USP19: variants seen among roughly 807,000 people sequenced by gnomAD.
The protein encoded by USP19 is ubiquitin specific peptidase 19.
In USP19, 40 loss-of-function variants were observed where a neutral mutation model predicts 144.8. The ratio of observed to expected loss-of-function variants is 0.28; its 90% CI spans 0.21 to 0.36. The LOEUF (loss-of-function observed/expected upper bound fraction) is 0.36. USP19 is among the 10% of genes least tolerant of loss of function. The probability of loss-of-function intolerance (pLI) is 1.00; values close to 1 mark genes in which losing one functional copy is unlikely to be tolerated. For synonymous variants in USP19, 701 were observed against 709.3 expected, an observed-to-expected ratio of 0.99 and a Z score of 0.19; for missense variants, 1,518 against 1,822.5, an observed-to-expected ratio of 0.83 and a Z score of 3.04.
chr3:49,117,487 G>T lies in USP19; in HGVS notation c.556C>A (p.His186Asn), dbSNP rs1197485175. Reference protein sequence around the residue: ...KVQTRKGSLLHLTLPKKVPML... With the variant: ...KVQTRKGSLLNLTLPKKVPML... ...GGCACCTTTTTGGGCAGTGTCAGGT[G>T]CAGGAGACTGCCCTTGCGGGTTTGC... Residue 186 changes from histidine to asparagine, a missense_variant, in exon 5 of 27, where the codon CAC becomes AAC. Physicochemically the swap from His to Asn is moderately conservative, Grantham distance 68 (BLOSUM62 1). Coordinates refer to ENST00000417901, the MANE Select transcript of USP19 (RefSeq NM_001199161.2). The surrounding 1 kb of genome is among the most constrained non-coding windows in gnomAD (Gnocchi z 4.4). The T allele has an allele frequency of 1.2e-6, 2 of 1,614,140 alleles. No individual in the cohort carries two copies. Among genetic ancestry groups the T allele is most frequent in the Admixed American group, 1.7e-5 (1 of 60,026 alleles).
rs775859341 is a variant in USP19, at chr3:49,111,176, C to T, written c.3329-10G>A. 9 of 1,613,974 alleles carry T rather than the reference C, an allele frequency of 5.6e-6. No homozygotes were observed. In the East Asian group the frequency reaches 6.7e-5, roughly 12 times the overall value. ...TCCAGTGGGGTGTCTCCTGGAGATT[C>T]GCAGGGAGAGAGGTCATGCAGCTGT... On this transcript the variant is annotated splice_polypyrimidine_tract_variant and intron_variant, in intron 22 of 26. Coordinates refer to ENST00000417901, the MANE Select transcript of USP19 (RefSeq NM_001199161.2). The surrounding 1 kb of genome is among the most constrained non-coding windows in gnomAD (Gnocchi z 5.9).
chr3:49,108,467 G>C lies in USP19; in HGVS notation c.4100C>G (p.Ala1367Gly). Residue 1367 changes from alanine to glycine, a missense_variant, in exon 27 of 27, where the codon GCC becomes GGC. Ala to Gly is a moderately conservative substitution (Grantham distance 60, BLOSUM62 0). Around this residue, in one of 5 missense-constraint regions of USP19, gnomAD observed 118 missense variants for 100.2 expected, o/e 1.18. Transcript: ENST00000417901. The surrounding 1 kb of genome is among the most constrained non-coding windows in gnomAD (Gnocchi z 4.8). ...APTRTAPERF[A>G]PPVDRPAPTY... is the part of the protein sequence containing the mutation. ...GGGGGCTGGCCGATCCACAGGGGGG[G>C]CGAAGCGTTCAGGGGCTGTCCGCGT... 7.4e-7 allele frequency: 1 copy of C among 1,351,052 alleles called. No individual in the cohort carries two copies. The highest frequency in any genetic ancestry group is 1.8e-5 in the South Asian group (1 of 55,612). 83.7% of individuals were successfully genotyped at this position (1,351,052 alleles called of 1,614,324 possible). A position where few individuals can be genotyped will look rare whatever the true frequency, so the allele number is the denominator to read the frequency against.
intron 26 of USP19, chr3:49,109,934 T>C: frequency 2.6e-6 from 1 of 377,936 alleles, no homozygotes; most frequent in Non-Finnish European, 4.7e-6. Flanking sequence ...AGCAGTTGCC[T>C]GACCTGTGCC....
In USP19 at chr3:49,112,222, A is replaced by G; in HGVS notation, c.2765+62T>C. ...GCATATGTGCCTTGGTGTGAAGGGA[A>G]GGAGCAGGGTGGCACATGGAAGGTG... is the stretch of plus-strand genomic sequence containing the variant. On this transcript the variant is annotated intron_variant, in intron 19 of 26. Transcript: ENST00000417901. The surrounding 1 kb of genome is among the most constrained non-coding windows in gnomAD (Gnocchi z 4.9). The G allele has an allele frequency of 1.3e-6, 2 of 1,561,156 alleles. No homozygotes were observed.
In USP19 at chr3:49,115,193, C is replaced by T. The variant is rs2043877885; in HGVS notation, c.2022+35G>A. On this transcript the variant is annotated intron_variant, in intron 13 of 26. Coordinates refer to ENST00000417901, the MANE Select transcript of USP19 (RefSeq NM_001199161.2). This position sits in a 1 kb window ranked among gnomAD's most constrained non-coding sequence, Gnocchi z 6.6. ...ACCCAGCTGGCTGGCCCTCCCCGCC[C>T]CCTCCAGCCAAGGGTGACAGTGGTC... 6.2e-7 allele frequency: 1 copy of T among 1,613,162 alleles called. No individual in the cohort carries two copies. The highest frequency in any genetic ancestry group is 1.3e-5 in the African/African-American group (1 of 74,928).
Position 49,116,310 on chromosome 3 carries a change from T to G in USP19, c.1325A>C (p.His442Pro). 1 of 1,613,116 alleles carries G rather than the reference T, an allele frequency of 6.2e-7. No homozygotes were observed. The highest frequency in any genetic ancestry group is 1.7e-5 in the Admixed American group (1 of 59,964). ...CTTCACCTGCCAACGGAAGGTGGTG[T>G]GGGGCCCACAGCCCGGGTGCAGCCT... ...FLRLHPGCGP[H>P]TTFRWQVKLR... The change falls in exon 9 of 27, where the codon CAC becomes CCC. Residue 442 changes from histidine (H) to proline (P), a missense_variant. His to Pro is a moderately conservative substitution (Grantham distance 77). Around this residue, in one of 5 missense-constraint regions of USP19, gnomAD observed 707 missense variants for 728.9 expected, o/e 0.97. Transcript: ENST00000417901. The surrounding 1 kb of genome is among the most constrained non-coding windows in gnomAD (Gnocchi z 5.0).
At position 49,115,480 on chromosome 3, in the gene USP19, G is replaced by A. The variant is rs1391985078; in HGVS notation, c.1852C>T (p.Leu618=). The A allele has an allele frequency of 1.9e-6, 3 of 1,614,236 alleles. No individual in the cohort carries two copies. Among genetic ancestry groups the A allele is most frequent in the Non-Finnish European group, 2.5e-6 (3 of 1,180,038 alleles). ...TCCCGGAGTTCCCGAGTGTTGGACAGAGACTGAATGACGCTGTTCATGAAG... is the reference window on the plus strand; with the variant it reads ...TCCCGGAGTTCCCGAGTGTTGGACAAAGACTGAATGACGCTGTTCATGAAG... The part of the protein sequence containing the change: ...TCFMNSVIQS[L]SNTRELRDFF... Residue 618 remains leucine, a synonymous_variant, in exon 12 of 27, where the codon CTG becomes TTG. Transcript: ENST00000417901. The surrounding 1 kb of genome is among the most constrained non-coding windows in gnomAD (Gnocchi z 6.6).
At chr3:49,118,948 C>T in intron 2 of USP19, 74 bp downstream of exon 2, 4 of 1,599,634 alleles carry the variant, frequency 2.5e-6, no homozygotes, top group Non-Finnish European at 3.4e-6. Context: ...AAGTCATCTC[C>T]CAAACCCCAA....
chr3:49,108,779 C>T lies in USP19; in HGVS notation c.4039-251G>A. The T allele has an allele frequency of 7.1e-7, 1 of 1,411,410 alleles. No individual in the cohort carries two copies. Among genetic ancestry groups the T allele is most frequent in the Non-Finnish European group, 9.2e-7 (1 of 1,086,716 alleles). The allele number at this position is 1,411,410 out of a possible 1,614,324, so 87.4% of individuals were successfully genotyped here. A position where few individuals can be genotyped will look rare whatever the true frequency, so the allele number is the denominator to read the frequency against. On this transcript the variant is annotated intron_variant, in intron 26 of 26. Coordinates refer to ENST00000417901, the MANE Select transcript of USP19 (RefSeq NM_001199161.2). The surrounding 1 kb of genome is among the most constrained non-coding windows in gnomAD (Gnocchi z 4.8). ...CAGAGCAGCAGGATGAATGGACAGACAGCCAGATGGATACACACCCTAGGA... is the reference window on the plus strand; with the variant it reads ...CAGAGCAGCAGGATGAATGGACAGATAGCCAGATGGATACACACCCTAGGA...
In USP19 at chr3:49,112,227, C is replaced by A; in HGVS notation, c.2765+57G>T. On this transcript the variant is annotated intron_variant, in intron 19 of 26. Coordinates refer to ENST00000417901, the MANE Select transcript of USP19 (RefSeq NM_001199161.2). This position sits in a 1 kb window ranked among gnomAD's most constrained non-coding sequence, Gnocchi z 4.9. ...TGTGCCTTGGTGTGAAGGGAAGGAGCAGGGTGGCACATGGAAGGTGGAAAG... is the reference window on the plus strand; with the variant it reads ...TGTGCCTTGGTGTGAAGGGAAGGAGAAGGGTGGCACATGGAAGGTGGAAAG... 1 of 1,563,720 alleles carries A rather than the reference C, an allele frequency of 6.4e-7. No individual in the cohort carries two copies. Among genetic ancestry groups the A allele is most frequent in the Admixed American group, 1.9e-5 (1 of 52,312 alleles).
rs368364969 is a variant in USP19 at position 49,117,602 on chromosome 3, T to G, written c.473-32A>C. On this transcript the variant is annotated intron_variant, in intron 4 of 26. Coordinates refer to ENST00000417901, the MANE Select transcript of USP19 (RefSeq NM_001199161.2). This position sits in a 1 kb window ranked among gnomAD's most constrained non-coding sequence, Gnocchi z 4.4. ...ACAGAGCAGGGTCCATGAGGTAGGATAGGAGATATCAGAAGATTCAAACAT... is the reference window on the plus strand; with the variant it reads ...ACAGAGCAGGGTCCATGAGGTAGGAGAGGAGATATCAGAAGATTCAAACAT... 1 of 1,613,980 alleles carries G rather than the reference T, an allele frequency of 6.2e-7. No individual in the cohort carries two copies. The highest frequency in any genetic ancestry group is 8.5e-7 in the Non-Finnish European group (1 of 1,179,936).
intron 2 of USP19, 118 bp downstream of exon 2, chr3:49,118,904 T>A: frequency 6.7e-7 from 1 of 1,485,812 alleles, no homozygotes; most frequent in South Asian, 1.3e-5. Context: ...CCTTCTTCTC[T>A]CATCATCAAA....
At chr3:49,120,686 G>C (rs2045094832) in intron 1 of USP19, 70 bp downstream of exon 1, 1 of 189,494 alleles carries the variant, frequency 5.3e-6, no homozygotes, top group Non-Finnish European at 1.1e-5. Flanking sequence ...CCTTGAACAG[G>C]CCGCCGCGGC....
At position 49,112,615 on chromosome 3, in the gene USP19, A is replaced by T; in HGVS notation, c.2520T>A (p.Arg840=). 1.2e-6 allele frequency: 2 copies of T among 1,613,242 alleles called. No individual in the cohort carries two copies. The highest frequency in any genetic ancestry group is 1.7e-6 in the Non-Finnish European group (2 of 1,179,466). Residue 840 remains arginine, a synonymous_variant, in exon 18 of 27, where the codon CGT becomes CGA. Coordinates refer to ENST00000417901, the MANE Select transcript of USP19 (RefSeq NM_001199161.2). The surrounding 1 kb of genome is among the most constrained non-coding windows in gnomAD (Gnocchi z 4.9). ...NLRLAEVIKN[R]FHRVFLPSHS... is the part of the protein sequence containing the mutation. ...GGGAGGGTAGGAACACACGATGAAAACGATTCTTAATTACCTGGGGACAGA... is the reference window on the plus strand; with the variant it reads ...GGGAGGGTAGGAACACACGATGAAATCGATTCTTAATTACCTGGGGACAGA...
At chr3:49,118,907 T>A in intron 2 of USP19, 115 bp downstream of exon 2, 3 of 1,485,498 alleles carry the variant, frequency 2.0e-6, no homozygotes, top group Non-Finnish European at 2.7e-6. Flanking sequence ...TCTTCTCTCA[T>A]CATCAAACCA....
Position 49,112,557 on chromosome 3 carries a change from G to A in USP19, c.2578C>T (p.Leu860Phe). Residue 860 changes from leucine (L) to phenylalanine (F), a missense_variant, in exon 18 of 27, where the codon CTC becomes TTC. By Grantham distance (22) the Leu-to-Phe change is conservative. Transcript: ENST00000417901. This position sits in a 1 kb window ranked among gnomAD's most constrained non-coding sequence, Gnocchi z 4.9. Reference sequence around the variant, plus strand: ...GAGGATAGCAGCTCAAAGCAGAGGAGCGTATCAGATGGGGACACAGTGTCC... The same window carrying A: ...GAGGATAGCAGCTCAAAGCAGAGGAACGTATCAGATGGGGACACAGTGTCC... ...SLDTVSPSDT[L>F]LCFELLSSEL... 2 of 1,614,140 alleles carry A rather than the reference G, an allele frequency of 1.2e-6. No homozygotes were observed. The highest frequency in any genetic ancestry group is 1.7e-6 in the Non-Finnish European group (2 of 1,179,994).
At position 49,110,209 on chromosome 3, in the gene USP19, G is replaced by A. The variant is rs2042934489; in HGVS notation, c.4013C>T (p.Pro1338Leu). ...CTGGCTGGCAGCAGCCTCAGCTGCA[G>A]GGCCTAGGTCTGGGTGGTGCTCAGA... ...GHSEHHPDLG[P>L]AAEAAASQGL... Residue 1338 changes from proline to leucine, a missense_variant, in exon 26 of 27, where the codon CCT (proline) becomes CTT (leucine). Physicochemically the swap from Pro to Leu is moderately conservative, Grantham distance 98 (BLOSUM62 -3). This residue lies in a region of USP19 where 118 missense variants were observed against 100.2 expected (regional missense o/e 1.18). Transcript: ENST00000417901. The surrounding 1 kb of genome is among the most constrained non-coding windows in gnomAD (Gnocchi z 6.1). 1.3e-6 allele frequency: 2 copies of A among 1,529,054 alleles called. No homozygotes were observed. The highest frequency in any genetic ancestry group is 1.8e-6 in the Non-Finnish European group (2 of 1,139,180). 94.7% of individuals were successfully genotyped at this position (1,529,054 alleles called of 1,614,324 possible).
chr3:49,114,704 A>G lies in USP19; in HGVS notation c.2292+59T>C. On this transcript the variant is annotated intron_variant, in intron 15 of 26. Transcript: ENST00000417901. This position sits in a 1 kb window ranked among gnomAD's most constrained non-coding sequence, Gnocchi z 4.5. ...TAAGATGCACATGCCTCTGAACCTA[A>G]TGTGACCAGAATAGCTGAGCTGAAC... is the stretch of plus-strand genomic sequence containing the variant. 1 of 1,575,048 alleles carries G rather than the reference A, an allele frequency of 6.3e-7. No homozygotes were observed. Among genetic ancestry groups the G allele is most frequent in the African/African-American group, 1.3e-5 (1 of 74,102 alleles).
chr3:49,110,802 G>A lies in USP19; in HGVS notation c.3607C>T (p.Pro1203Ser), dbSNP rs751768909. 6.2e-7 allele frequency: 1 copy of A among 1,614,210 alleles called. No individual in the cohort carries two copies. The highest frequency in any genetic ancestry group is 8.5e-7 in the Non-Finnish European group (1 of 1,180,044). Reference sequence around the variant, plus strand: ...TTGAGCTGCACGATGAGAACATTTGGCAGGCGCCATAGCAACAGCTGCTTG... The same window carrying A: ...TTGAGCTGCACGATGAGAACATTTGACAGGCGCCATAGCAACAGCTGCTTG... Reference protein sequence around the residue: ...ASKQLLLWRLPNVLIVQLKRF... With the variant: ...ASKQLLLWRLSNVLIVQLKRF... The change falls in exon 24 of 27, where the codon CCA becomes TCA. Residue 1203 changes from proline (P) to serine (S), a missense_variant. By Grantham distance (74) the Pro-to-Ser change is moderately conservative. Coordinates refer to ENST00000417901, the MANE Select transcript of USP19 (RefSeq NM_001199161.2). The surrounding 1 kb of genome is among the most constrained non-coding windows in gnomAD (Gnocchi z 6.1).
Sources: allele counts gnomAD v4.1 joint callset, GRCh38; gene constraint gnomAD v4.1.1; regional missense constraint gnomAD v4.1.1; non-coding constraint Gnocchi (gnomAD v3.1); transcripts MANE v1.5; gene names NCBI Gene and HGNC (gene_info 2026-07-23, HGNC 2026-07-21).